Variants in MCC observed in about 807,000 individuals in gnomAD.
MCC encodes colorectal mutant cancer protein.
A neutral mutation model predicts 116.2 loss-of-function variants in MCC; 90 were observed. The ratio of observed to expected loss-of-function variants is 0.77; its 90% CI spans 0.65 to 0.92. MCC has a LOEUF of 0.92. Ranked by LOEUF, MCC falls within the 40% of genes least tolerant of loss-of-function variation. MCC has a pLI of 0.00. For synonymous variants in MCC, 578 were observed against 510.5 expected (o/e 1.13, Z -1.78); for missense variants, 1,516 against 1,312.2 (o/e 1.16, Z -2.40).
chr5:113,043,699 G>T, intron 16 of MCC, 69 bp from the exon 17 acceptor site: 1 of 1,152,280 alleles, frequency 8.7e-7, no homozygotes, highest in South Asian at 1.3e-5. Context: ...GCCTGCAGCA[G>T]AGCGCGGTAG....
chr5:113,291,447 T>C (rs546105906), intron 3 of MCC, among the ~76,000 whole-genome samples: 1 of 152,334 alleles, frequency 6.6e-6, no homozygotes, highest in African/African-American at 2.4e-5. Context: ...CAATGACTTC[T>C]GTGGCTAGGG....
intron 8 of MCC, among the ~76,000 whole-genome samples, chr5:113,096,770 G>A (rs904652407): frequency 2.0e-5 from 3 of 152,176 alleles, no homozygotes; most frequent in Non-Finnish European, 2.9e-5. Context: ...AATATATGGT[G>A]CAGGCAAGAA....
Position 113,434,554 on chromosome 5 carries a change from C to T in MCC, c.171-49342G>A. ...GTTTTGATTAACTCGAGGAGGTCGC[C>T]CTGGACCGCGAGCTCCATGACGATG... On this transcript the variant is annotated intron_variant, in intron 1 of 18. Coordinates refer to ENST00000408903, the MANE Select transcript of MCC (RefSeq NM_001085377.2). This position sits in a 1 kb window ranked among gnomAD's most constrained non-coding sequence, Gnocchi z 4.2. The T allele has an allele frequency of 1.2e-6, 2 of 1,613,262 alleles. No homozygotes were observed. The highest frequency in any genetic ancestry group is 1.7e-6 in the Non-Finnish European group (2 of 1,179,550).
chr5:113,167,759 T>C (rs944056170), intron 3 of MCC, among the ~76,000 whole-genome samples: 2 of 152,122 alleles, frequency 1.3e-5, no homozygotes, highest in African/African-American at 2.4e-5. Context: ...GCTTCCCAAG[T>C]AGCAGGGACT....
At chr5:113,267,064 A>G (rs1415280790) in intron 3 of MCC, among the ~76,000 whole-genome samples, 2 of 152,356 alleles carry the variant, frequency 1.3e-5, no homozygotes, top group East Asian at 3.9e-4. Flanking sequence ...ATGACAATTT[A>G]GCAATGATTG....
intron 8 of MCC, among the ~76,000 whole-genome samples, chr5:113,100,160 T>C (rs1184246916): frequency 2.0e-5 from 3 of 152,092 alleles, no homozygotes; most frequent in Non-Finnish European, 2.9e-5. Context: ...ATATGAGAGG[T>C]AGTAGTGCCA....
chr5:113,068,173 T>G lies in MCC; in HGVS notation c.1936A>C (p.Ile646Leu). 1.9e-6 allele frequency: 3 copies of G among 1,613,894 alleles called. No individual in the cohort carries two copies. Among genetic ancestry groups the G allele is most frequent in the Non-Finnish European group, 2.5e-6 (3 of 1,179,820 alleles). Residue 646 changes from isoleucine (I) to leucine (L), a missense_variant, in exon 13 of 19, where the codon ATC becomes CTC. Coordinates refer to ENST00000408903, the MANE Select transcript of MCC (RefSeq NM_001085377.2). ...RLALQYSEQC[I>L]EAYELLLALA... is the part of the protein sequence containing the mutation. ...GCCAGGAGGAGTTCGTAGGCTTCGATGCACTGCTCGCTGAAACAAAGCACA... is the reference window on the plus strand; with the variant it reads ...GCCAGGAGGAGTTCGTAGGCTTCGAGGCACTGCTCGCTGAAACAAAGCACA...
intron 2 of MCC, among the ~76,000 whole-genome samples, chr5:113,376,810 C>T (rs77457035): frequency 0.039 from 5,862 of 152,188 alleles, 384 homozygotes; most frequent in African/African-American, 0.13. Flanking sequence ...ATAGAGCCAA[C>T]TCTACCCTAA....
intron 1 of MCC, among the ~76,000 whole-genome samples, chr5:113,403,969 C>T (rs952362945): frequency 2.6e-5 from 4 of 152,160 alleles, no homozygotes; most frequent in African/African-American, 7.2e-5. Flanking sequence ...CGGGTTCAAG[C>T]GATTCTCCTG....
chr5:113,173,186 T>A (rs971076757), intron 3 of MCC, among the ~76,000 whole-genome samples: 1 of 152,180 alleles, frequency 6.6e-6, no homozygotes, highest in Non-Finnish European at 1.5e-5. Context: ...ACAGATCCTC[T>A]CTCTGATTTT....
intron 3 of MCC, among the ~76,000 whole-genome samples, chr5:113,252,242 C>T (rs550533263): frequency 6.6e-6 from 1 of 152,250 alleles, no homozygotes; most frequent in South Asian, 2.1e-4. Flanking sequence ...GTCCCCAGCC[C>T]CCGGGCCCAC....
chr5:113,406,704 A>G (rs1033111335), intron 1 of MCC, among the ~76,000 whole-genome samples: 1 of 152,260 alleles, frequency 6.6e-6, no homozygotes, highest in Non-Finnish European at 1.5e-5. Flanking sequence ...AATGAGGAAC[A>G]AACTAAGAAG....
intron 1 of MCC, among the ~76,000 whole-genome samples, chr5:113,445,714 T>G (rs1021920197): frequency 7.2e-5 from 11 of 151,754 alleles, no homozygotes; most frequent in African/African-American, 2.7e-4. Flanking sequence ...CACCAAACTA[T>G]CAATGTTGTT....
At chr5:113,288,266 G>C (rs1766340755) in intron 3 of MCC, among the ~76,000 whole-genome samples, 2 of 152,234 alleles carry the variant, frequency 1.3e-5, no homozygotes, top group African/African-American at 2.4e-5. Flanking sequence ...AACTGTAGAA[G>C]GAACTTAAAG....
chr5:113,259,140 ACT>A (rs560744334), intron 3 of MCC, among the ~76,000 whole-genome samples: 13 of 152,194 alleles, frequency 8.5e-5, no homozygotes, highest in Non-Finnish European at 1.8e-4. Flanking sequence ...ATTGTTAAAT[ACT>A]CTCTCATAAC....
At position 113,096,143 on chromosome 5, in the gene MCC, T is replaced by C. The variant is rs73778923; in HGVS notation, c.1398+5596A>G. Reference sequence around the variant, plus strand: ...AGATGCCGGGCTTATCACTGCTACATGGTGGGCCCAGGAGGAGCAGGCTGG... The same window carrying C: ...AGATGCCGGGCTTATCACTGCTACACGGTGGGCCCAGGAGGAGCAGGCTGG... On this transcript the variant is annotated intron_variant, in intron 8 of 18. Transcript: ENST00000408903. Among the ~76,000 whole-genome samples, 1,133 of 152,254 alleles carry C rather than the reference T, an allele frequency of 7.4e-3. 14 individuals carry two copies. The highest frequency in any genetic ancestry group is 0.026 in the African/African-American group (1,071 of 41,558).
intron 3 of MCC, among the ~76,000 whole-genome samples, chr5:113,292,705 C>G (rs544473345): frequency 3.3e-5 from 5 of 152,210 alleles, no homozygotes; most frequent in Non-Finnish European, 2.9e-5. Flanking sequence ...TTCTAGCCCC[C>G]CCTTCTCCTA....
intron 16 of MCC, among the ~76,000 whole-genome samples, chr5:113,046,714 G>GAA (rs1752115309): frequency 2.6e-5 from 2 of 76,778 alleles, no homozygotes; most frequent in Non-Finnish European, 5.8e-5. Flanking sequence ...AAAAAAAAGA[G>GAA]AGAGATTTTG....
At chr5:113,401,189 A>G (rs957432922) in intron 1 of MCC, among the ~76,000 whole-genome samples, 3 of 152,198 alleles carry the variant, frequency 2.0e-5, no homozygotes, top group Non-Finnish European at 2.9e-5. Context: ...AAAATTACAC[A>G]CTTAACACCA....
Sources: gnomAD v4.1 joint callset for allele counts (sites outside exome capture counted in the v4.1 genomes callset) on GRCh38, gnomAD v4.1.1 for gene constraint, Gnocchi (gnomAD v3.1) non-coding constraint, MANE v1.5 for transcripts, NCBI Gene and HGNC (gene_info 2026-07-23, HGNC 2026-07-21) for gene names.